Variants in SOX5 observed in about 807,000 individuals in gnomAD.
SOX5 encodes SRY-box transcription factor 5.
In SOX5, 9 loss-of-function variants were observed where a neutral mutation model predicts 92.0. The ratio of observed to expected loss-of-function variants is 0.10; its 90% CI spans 0.06 to 0.17. The LOEUF (loss-of-function observed/expected upper bound fraction) is 0.17. SOX5 is among the 10% of genes least tolerant of loss of function. The pLI is 1.00. For synonymous variants in SOX5, 344 were observed against 336.3 expected (o/e 1.02, Z -0.25); for missense variants, 642 against 944.5 (o/e 0.68, Z 4.20).
chr12:24,084,938 T>C (rs1443589806), intron 4 of SOX5, among the ~76,000 whole-genome samples: 11 of 152,142 alleles, frequency 7.2e-5, no homozygotes, highest in Non-Finnish European at 1.3e-4. Flanking sequence ...ATTATATTTA[T>C]ATAAATCACT....
intron 3 of SOX5, among the ~76,000 whole-genome samples, chr12:24,218,215 C>T (rs1272898697): frequency 6.6e-6 from 1 of 151,962 alleles, no homozygotes; most frequent in Non-Finnish European, 1.5e-5. Flanking sequence ...TCAAAAGTTA[C>T]CAATAATCTA....
chr12:24,022,549 C>T (rs1399822847), intron 4 of SOX5, among the ~76,000 whole-genome samples: 1 of 152,072 alleles, frequency 6.6e-6, no homozygotes, highest in East Asian at 1.9e-4. Context: ...ATTTGCCTAC[C>T]ATTCTACAAA....
rs573957087 is a variant in SOX5 at position 23,961,369 on chromosome 12, C to A, written c.-1-65345G>T. 1.3e-4 allele frequency among the ~76,000 whole-genome samples: 20 copies of A among 152,204 alleles called. No individual in the cohort carries two copies. In the South Asian group the frequency reaches 3.5e-3, roughly 27 times the overall value. On this transcript the variant is annotated intron_variant, in intron 4 of 4. Transcript: ENST00000446891. ...AACATATCATATATGATTGTTCATG[C>A]TCTGGCCTGGCCTCCTTACCCAGCC...
intron 11 of SOX5, among the ~76,000 whole-genome samples, chr12:23,556,624 T>C (rs1172812657): frequency 6.6e-6 from 1 of 152,212 alleles, no homozygotes; most frequent in Admixed American, 6.5e-5. Flanking sequence ...CTTTATACAA[T>C]TTTTCTCTAG....
chr12:24,433,206 T>G (rs569741082), intron 1 of SOX5, among the ~76,000 whole-genome samples: 1 of 152,328 alleles, frequency 6.6e-6, no homozygotes, highest in East Asian at 1.9e-4. Context: ...AAAATTGAGG[T>G]GATTGTTCTC....
chr12:23,858,086 T>C (rs35506588), intron 2 of SOX5, among the ~76,000 whole-genome samples: 14,918 of 152,100 alleles, frequency 0.098, 883 homozygotes, highest in East Asian at 0.23. Context: ...TGTGTGTGTG[T>C]GTGTATATGC....
At chr12:23,664,338 A>AT (rs1566822696) in intron 7 of SOX5, among the ~76,000 whole-genome samples, 10 of 128,980 alleles carry the variant, frequency 7.8e-5, no homozygotes, top group African/African-American at 2.4e-4. Context: ...TATATATATA[A>AT]GCCAAAATGC....
At chr12:23,598,947 C>T (rs1362285009) in intron 9 of SOX5, among the ~76,000 whole-genome samples, 3 of 152,276 alleles carry the variant, frequency 2.0e-5, no homozygotes, top group South Asian at 2.1e-4. Flanking sequence ...ATTTCTCGTA[C>T]TGCTAGCATA....
chr12:24,184,035 T>C (rs1412959328), intron 4 of SOX5, among the ~76,000 whole-genome samples: 1 of 152,182 alleles, frequency 6.6e-6, no homozygotes, highest in African/African-American at 2.4e-5. Context: ...ATTTCTTTTG[T>C]TCAAAAGCTT....
intron 1 of SOX5, among the ~76,000 whole-genome samples, chr12:24,517,091 A>G (rs1343975678): frequency 1.3e-5 from 2 of 152,250 alleles, no homozygotes; most frequent in African/African-American, 4.8e-5. Flanking sequence ...ATCTTTTAAA[A>G]TCACACTTAG....
chr12:24,154,641 A>G (rs1951986135), intron 4 of SOX5, among the ~76,000 whole-genome samples: 1 of 152,162 alleles, frequency 6.6e-6, no homozygotes, highest in African/African-American at 2.4e-5. Context: ...CAACAGAAAA[A>G]TGCTTAGGCT....
chr12:24,056,681 T>C (rs1958138221), intron 4 of SOX5, among the ~76,000 whole-genome samples: 1 of 151,950 alleles, frequency 6.6e-6, no homozygotes. Flanking sequence ...TCAGATATTA[T>C]ATCAAAAATT....
intron 8 of SOX5, among the ~76,000 whole-genome samples, chr12:23,617,785 A>G (rs923949125): frequency 1.4e-4 from 16 of 114,284 alleles, no homozygotes; most frequent in Admixed American, 8.2e-5. Context: ...AAACAGCTAG[A>G]AAAAAAAAAC....
At chr12:24,098,689 C>A (rs933674384) in intron 4 of SOX5, among the ~76,000 whole-genome samples, 2 of 152,134 alleles carry the variant, frequency 1.3e-5, no homozygotes, top group African/African-American at 4.8e-5. Flanking sequence ...TGTATAGTTT[C>A]TTTGCCTTGA....
At chr12:23,950,803 A>G, upstream of SOX5, 1 of 1,425,228 alleles carries the variant, frequency 7.0e-7, no homozygotes, top group Non-Finnish European at 9.6e-7. Flanking sequence ...CGAGAAAGGT[A>G]ATCAGGTAAT....
intron 3 of SOX5, among the ~76,000 whole-genome samples, chr12:23,794,918 T>C (rs2095536417): frequency 7.9e-6 from 1 of 125,866 alleles, no homozygotes; most frequent in African/African-American, 2.8e-5. Context: ...TGTACTATTT[T>C]AGATTAGAAT....
chr12:24,249,661 G>A (rs959811493), intron 3 of SOX5, among the ~76,000 whole-genome samples: 4 of 152,312 alleles, frequency 2.6e-5, no homozygotes, highest in Middle Eastern at 3.4e-3. Flanking sequence ...GCATCACAAA[G>A]AGGGTGAGAT....
At position 23,960,535 on chromosome 12, in the gene SOX5, A is replaced by G. The variant is rs1232448365; in HGVS notation, c.-1-64511T>C. On this transcript the variant is annotated intron_variant, in intron 4 of 4. Coordinates refer to the SOX5 transcript ENST00000446891. ...TATACATATATATATATATACATAT[A>G]TATATATATATGAAGTCAGTTACCA... is the stretch of plus-strand genomic sequence containing the variant. 2.1e-5 allele frequency among the ~76,000 whole-genome samples: 3 copies of G among 145,346 alleles called. No individual in the cohort carries two copies. The East Asian group carries it at 5.9e-4, about 28-fold the overall frequency.
chr12:23,907,426 A>G (rs1052066630), intron 1 of SOX5, among the ~76,000 whole-genome samples: 1 of 152,194 alleles, frequency 6.6e-6, no homozygotes, highest in Non-Finnish European at 1.5e-5. Flanking sequence ...ATAATTCAAA[A>G]CTATTTGAAA....
Sources: allele counts gnomAD v4.1 joint callset (sites outside exome capture counted in the v4.1 genomes callset), GRCh38; gene constraint gnomAD v4.1.1; transcripts MANE v1.5; gene names NCBI Gene and HGNC (gene_info 2026-07-23, HGNC 2026-07-21).